The following ST6GAL2 variants were observed in gnomAD, a reference collection of about 807,000 sequenced individuals.
ST6GAL2 encodes beta-galactoside alpha-2,6-sialyltransferase 2.
In ST6GAL2, 24 loss-of-function variants were observed where a neutral mutation model predicts 37.5. The observed-to-expected ratio is 0.64, with a 90% CI of 0.46 to 0.90. The LOEUF (loss-of-function observed/expected upper bound fraction) is 0.90. ST6GAL2 is among the 40% of genes least tolerant of loss of function. The pLI is 0.00. For synonymous variants in ST6GAL2, 306 were observed against 295.1 expected (o/e 1.04, Z -0.38); for missense variants, 715 against 712.7 (o/e 1.00, Z -0.04).
chr2:106,812,379 C>G (rs940823437), intron 5 of ST6GAL2, among the ~76,000 whole-genome samples: 1 of 152,180 alleles, frequency 6.6e-6, no homozygotes, highest in Non-Finnish European at 1.5e-5. Context: ...TTTTGCCAAC[C>G]AGGGAAGCTT....
At position 106,858,402 on chromosome 2, in the gene ST6GAL2, C is replaced by T. The variant is rs1308479046; in HGVS notation, c.-57-14368G>A. ...TTTTCCATTCCCTTTTACCCTACAA[C>T]CTTCCTCCATTCACAGTGATAAACA... On this transcript the variant is annotated intron_variant, in intron 1 of 5. Transcript: ENST00000409382. Among the ~76,000 whole-genome samples the T allele has an allele frequency of 2.6e-5, 4 of 152,176 alleles. No individual in the cohort carries two copies. The East Asian group carries it at 7.7e-4, about 29-fold the overall frequency.
chr2:106,866,128 A>G (rs1016057247), intron 1 of ST6GAL2, among the ~76,000 whole-genome samples: 2 of 152,232 alleles, frequency 1.3e-5, no homozygotes, highest in Non-Finnish European at 2.9e-5. Flanking sequence ...AGAACAACCT[A>G]CGAGTTAGGT....
At chr2:106,848,059 T>C (rs74962261) in intron 1 of ST6GAL2, among the ~76,000 whole-genome samples, 1 of 151,802 alleles carries the variant, frequency 6.6e-6, no homozygotes. Context: ...TTTTTTTTTT[T>C]TGAGACAGAG....
chr2:106,883,357 G>A (rs1176110622), intron 1 of ST6GAL2, among the ~76,000 whole-genome samples: 3 of 152,080 alleles, frequency 2.0e-5, no homozygotes, highest in Admixed American at 6.6e-5. Context: ...GAGAGCTTTC[G>A]GAAAAATGGT....
At chr2:106,822,450 G>T (rs1018113419) in intron 5 of ST6GAL2, among the ~76,000 whole-genome samples, 3 of 151,846 alleles carry the variant, frequency 2.0e-5, no homozygotes, top group African/African-American at 7.3e-5. Flanking sequence ...AGAAGTGAAA[G>T]ATCTCGATAA....
chr2:106,864,235 G>A (rs909515132), intron 1 of ST6GAL2, among the ~76,000 whole-genome samples: 1 of 152,186 alleles, frequency 6.6e-6, no homozygotes. Flanking sequence ...CAGCCCTGGA[G>A]ACTACAGGCA....
chr2:106,837,447 T>C lies in ST6GAL2; in HGVS notation c.944-3301A>G, dbSNP rs78595390. Reference sequence around the variant, plus strand: ...AAAGGAAAAGAACTCTGAGTATACTTACCAGAATAGTTTTTTCTCATGGAC... The same window carrying C: ...AAAGGAAAAGAACTCTGAGTATACTCACCAGAATAGTTTTTTCTCATGGAC... On this transcript the variant is annotated intron_variant, in intron 2 of 5. Coordinates refer to ENST00000409382, the MANE Select transcript of ST6GAL2 (RefSeq NM_001142351.2). 1.9e-3 allele frequency among the ~76,000 whole-genome samples: 285 copies of C among 152,328 alleles called. 1 individual carries two copies. The highest frequency in any genetic ancestry group is 6.4e-3 in the African/African-American group (265 of 41,574).
At chr2:106,827,422 C>G (rs1448197252) in intron 5 of ST6GAL2, among the ~76,000 whole-genome samples, 4 of 152,124 alleles carry the variant, frequency 2.6e-5, no homozygotes, top group African/African-American at 9.7e-5. Flanking sequence ...CAAGCTGTCT[C>G]CACTGCCCAT....
intron 2 of ST6GAL2, among the ~76,000 whole-genome samples, chr2:106,839,349 A>G (rs76466448): frequency 0.11 from 16,021 of 151,972 alleles, 1,093 homozygotes; most frequent in African/African-American, 0.13. Context: ...ACCAGCCCTC[A>G]GGGGAGTTAG....
chr2:106,884,604 T>G (rs1678883532), intron 1 of ST6GAL2, among the ~76,000 whole-genome samples: 1 of 152,134 alleles, frequency 6.6e-6, no homozygotes. Context: ...AGCAAAAATG[T>G]AAGATGCTAC....
intron 5 of ST6GAL2, among the ~76,000 whole-genome samples, chr2:106,821,104 G>A (rs1456230593): frequency 6.6e-6 from 1 of 151,374 alleles, no homozygotes; most frequent in Non-Finnish European, 1.5e-5. Context: ...AAAAGCAAGA[G>A]CAAACCAAAA....
At chr2:106,859,637 G>T (rs1371658898) in intron 1 of ST6GAL2, among the ~76,000 whole-genome samples, 5 of 152,012 alleles carry the variant, frequency 3.3e-5, no homozygotes, top group Admixed American at 2.6e-4. Context: ...AGCAAACCCA[G>T]ATAACCCTAA....
chr2:106,832,723 T>G, intron 3 of ST6GAL2, 57 bp from the exon 4 acceptor site: 1 of 1,132,332 alleles, frequency 8.8e-7, no homozygotes, highest in Non-Finnish European at 1.3e-6. Context: ...AAAAATTGCA[T>G]TTTAAAAAGA....
At chr2:106,810,913 T>C (rs1422081480) in intron 5 of ST6GAL2, among the ~76,000 whole-genome samples, 2 of 151,916 alleles carry the variant, frequency 1.3e-5, no homozygotes, top group Non-Finnish European at 2.9e-5. Context: ...ATTGTGCCAC[T>C]GCACTCTCAT....
At chr2:106,863,336 T>C (rs1677883540) in intron 1 of ST6GAL2, among the ~76,000 whole-genome samples, 1 of 152,216 alleles carries the variant, frequency 6.6e-6, no homozygotes, top group Non-Finnish European at 1.5e-5. Flanking sequence ...CAGAACAGAT[T>C]GGATCATGGA....
chr2:106,862,480 C>T (rs928438165), intron 1 of ST6GAL2, among the ~76,000 whole-genome samples: 1 of 152,166 alleles, frequency 6.6e-6, no homozygotes, highest in East Asian at 1.9e-4. Flanking sequence ...AAATCTATAC[C>T]TAGAATTCAT....
intron 1 of ST6GAL2, among the ~76,000 whole-genome samples, chr2:106,882,582 T>C (rs1164553733): frequency 6.6e-6 from 1 of 152,170 alleles, no homozygotes; most frequent in East Asian, 1.9e-4. Flanking sequence ...CTTACAATTA[T>C]CAGTTTTGTG....
chr2:106,874,586 G>C (rs1199842049), intron 1 of ST6GAL2, among the ~76,000 whole-genome samples: 1 of 152,118 alleles, frequency 6.6e-6, no homozygotes, highest in Admixed American at 6.6e-5. Flanking sequence ...ATGCAGGAGG[G>C]GCAAGAGTGT....
rs763586738 is a variant in ST6GAL2, at chr2:106,843,182, C to G, written c.796G>C (p.Gly266Arg). The G allele has an allele frequency of 2.6e-6, 4 of 1,550,068 alleles. No individual in the cohort carries two copies. Among genetic ancestry groups the G allele is most frequent in the South Asian group, 1.2e-5 (1 of 84,636 alleles). ...RSRARVRTLDGTEAPFSALGW... is the reference protein window; with the variant it reads ...RSRARVRTLDRTEAPFSALGW... Reference sequence around the variant, plus strand: ...AGCGCAGAAAAGGGCGCCTCGGTGCCGTCCAGCGTCCGCACGCGCGCGCGG... The same window carrying G: ...AGCGCAGAAAAGGGCGCCTCGGTGCGGTCCAGCGTCCGCACGCGCGCGCGG... Residue 266 changes from glycine (G) to arginine (R), a missense_variant, in exon 2 of 6, where the codon GGC becomes CGC. This residue lies in a region of ST6GAL2 where 512 missense variants were observed against 488.8 expected (regional missense o/e 1.05). Coordinates refer to ENST00000409382, the MANE Select transcript of ST6GAL2 (RefSeq NM_001142351.2).
Sources: gnomAD v4.1 joint callset for allele counts (sites outside exome capture counted in the v4.1 genomes callset) on GRCh38, gnomAD v4.1.1 for gene constraint, gnomAD v4.1.1 regional missense constraint, MANE v1.5 for transcripts, NCBI Gene and HGNC (gene_info 2026-07-23, HGNC 2026-07-21) for gene names.